The following KLHL22 variants were observed in gnomAD, a reference collection of about 807,000 sequenced individuals.
KLHL22 encodes the protein kelch-like protein 22.
In KLHL22, 18 loss-of-function variants were observed where a neutral mutation model predicts 60.7. The ratio of observed to expected loss-of-function variants is 0.30; its 90% CI spans 0.20 to 0.44. KLHL22 has a LOEUF of 0.44. Ranked by LOEUF, KLHL22 falls within the 20% of genes least tolerant of loss-of-function variation. The pLI is 1.00. For missense variants in KLHL22, 596 were observed against 852.3 expected (o/e 0.70, Z 3.74); for synonymous variants, 355 against 354.5 (o/e 1.00, Z -0.01).
intron 1 of KLHL22, among the ~76,000 whole-genome samples, chr22:20,494,785 A>T (rs2053743845): frequency 6.6e-6 from 1 of 152,258 alleles, no homozygotes; most frequent in Admixed American, 6.5e-5. Flanking sequence ...ACATAGCTAC[A>T]AACTGAAGGA....
chr22:20,464,850 T>C lies in KLHL22; in HGVS notation c.1112+8A>G. ...AAGACAAAGGGACCAGCTAGCACCCTGTCCTACCTCCAGCATCGGGACTCT... is the reference window on the plus strand; with the variant it reads ...AAGACAAAGGGACCAGCTAGCACCCCGTCCTACCTCCAGCATCGGGACTCT... On this transcript the variant is annotated splice_region_variant and intron_variant, in intron 4 of 6. Transcript: ENST00000328879. 6.7e-7 allele frequency: 1 copy of C among 1,489,224 alleles called. No homozygotes were observed. Among genetic ancestry groups the C allele is most frequent in the Non-Finnish European group, 9.1e-7 (1 of 1,103,302 alleles). 92.3% of individuals were successfully genotyped at this position (1,489,224 alleles called of 1,614,324 possible).
At chr22:20,462,305 C>T (rs2053168957) in intron 4 of KLHL22, among the ~76,000 whole-genome samples, 1 of 149,558 alleles carries the variant, frequency 6.7e-6, no homozygotes, top group Non-Finnish European at 1.5e-5. Flanking sequence ...ATTAAATTTA[C>T]TTTAAAATAT....
chr22:20,487,555 C>A (rs1399488955), intron 2 of KLHL22, among the ~76,000 whole-genome samples: 9 of 152,020 alleles, frequency 5.9e-5, no homozygotes, highest in Admixed American at 2.0e-4. Flanking sequence ...CACACACACC[C>A]CCCTGTGAAA....
At chr22:20,474,327 G>C (rs1020929621) in intron 2 of KLHL22, among the ~76,000 whole-genome samples, 5 of 152,004 alleles carry the variant, frequency 3.3e-5, no homozygotes, top group African/African-American at 1.2e-4. Context: ...ATAGCTTGGA[G>C]ACTGATCCAT....
intron 2 of KLHL22, chr22:20,483,416 A>T: frequency 1.2e-6 from 1 of 835,168 alleles, no homozygotes; most frequent in Admixed American, 1.7e-5. Flanking sequence ...GTCAACCCAG[A>T]GCTGGCAATC....
In KLHL22 at chr22:20,460,608, C is replaced by CA. The variant is rs1569129718; in HGVS notation, c.1113-2609_1113-2608insT. Among the ~76,000 whole-genome samples, 491 of 32,680 alleles carry CA rather than the reference C, an allele frequency of 0.015. 212 individuals carry two copies. The East Asian group carries it at 0.16, about 11-fold the overall frequency. The allele number at this position is 32,680 out of a possible 152,430, so 21.4% of individuals were successfully genotyped here. The stretch of plus-strand genomic sequence containing the variant: ...TGGGCGACAGAGTGAAACTCCATCC[C>CA]CCAAAAAAAAAAAAAAAAAAAAAAA... On this transcript the variant is annotated intron_variant, in intron 4 of 6. Transcript: ENST00000328879.
rs534661866 is a variant in KLHL22 at position 20,489,270 on chromosome 22, G to C, written c.-33-26C>G. ...CTGACAGTTGGCAAAACAGGGGACA[G>C]GGGTGAGCAGGCAGGCATCAGCCCC... On this transcript the variant is annotated intron_variant, in intron 1 of 6. Coordinates refer to ENST00000328879, the MANE Select transcript of KLHL22 (RefSeq NM_032775.4). 3.1e-4 allele frequency: 490 copies of C among 1,559,054 alleles called. 1 individual carries two copies. Among genetic ancestry groups the C allele is most frequent in the Non-Finnish European group, 4.1e-4 (469 of 1,135,922 alleles).
rs974654076 is a variant in KLHL22 at position 20,451,765 on chromosome 22, G to A, written c.1306-5089C>T. On this transcript the variant is annotated intron_variant, in intron 5 of 6. Transcript: ENST00000328879. ...CCCTATCATCAACAGCTGGGAAGTCGTGACATCCATGGGAACCCAGCGCTG... is the reference window on the plus strand; with the variant it reads ...CCCTATCATCAACAGCTGGGAAGTCATGACATCCATGGGAACCCAGCGCTG... 12 of 1,586,274 alleles carry A rather than the reference G, an allele frequency of 7.6e-6. No homozygotes were observed. In the African/African-American group the frequency reaches 9.4e-5, roughly 12 times the overall value.
At chr22:20,454,643 C>G (rs1044897289) in intron 5 of KLHL22, among the ~76,000 whole-genome samples, 1 of 152,098 alleles carries the variant, frequency 6.6e-6, no homozygotes, top group African/African-American at 2.4e-5. Context: ...TACAAAAAAC[C>G]TTCCTGAAAT....
rs1601320477 is a variant in KLHL22, at chr22:20,446,350, T to G, written c.1539+93A>C. 26 of 810,502 alleles carry G rather than the reference T, an allele frequency of 3.2e-5. 2 individuals carry two copies. The East Asian group carries it at 6.7e-4, about 21-fold the overall frequency. 50.2% of individuals were successfully genotyped at this position (810,502 alleles called of 1,614,324 possible). A position where few individuals can be genotyped will look rare whatever the true frequency, so the allele number is the denominator to read the frequency against. On this transcript the variant is annotated intron_variant, in intron 6 of 6. Transcript: ENST00000328879. ...ACTGCTCTAAAAAATAGTCTATTTT[T>G]AAAAGGCACATGATTCAATTACATT...
Sources: gnomAD v4.1 joint callset for allele counts (sites outside exome capture counted in the v4.1 genomes callset) on GRCh38, gnomAD v4.1.1 for gene constraint, MANE v1.5 for transcripts, NCBI Gene and HGNC (gene_info 2026-07-23, HGNC 2026-07-21) for gene names.